PCDHGA8: variants seen among roughly 807,000 people sequenced by gnomAD.
The protein encoded by PCDHGA8 is protocadherin gamma subfamily A, 8.
PCDHGA8 carries 45 observed loss-of-function variants against 59.2 expected under a neutral mutation model. The ratio of observed to expected loss-of-function variants is 0.76; its 90% CI spans 0.60 to 0.98. The LOEUF is 0.98. Among genes scored for constraint, PCDHGA8 ranks in the 50% least tolerant of loss-of-function variants. PCDHGA8 has a pLI of 0.00. For missense variants in PCDHGA8, 1,257 were observed against 1,196.2 expected (o/e 1.05, Z -0.75); for synonymous variants, 531 against 519.0 (o/e 1.02, Z -0.32).
At chr5:141,426,621 C>G (rs984316174) in intron 1 of PCDHGA8, 1 of 392,280 alleles carries the variant, frequency 2.5e-6, no homozygotes, top group Non-Finnish European at 5.2e-6. Flanking sequence ...AGAGAATCCT[C>G]TAAATGTTTT....
chr5:141,486,894 C>T lies in PCDHGA8; in HGVS notation c.2425-7913C>T. 1 of 1,614,228 alleles carries T rather than the reference C, an allele frequency of 6.2e-7. No homozygotes were observed. Among genetic ancestry groups the T allele is most frequent in the Non-Finnish European group, 8.5e-7 (1 of 1,180,052 alleles). On this transcript the variant is annotated intron_variant, in intron 1 of 3. Transcript: ENST00000398604. The surrounding 1 kb of genome is among the most constrained non-coding windows in gnomAD (Gnocchi z 5.0). ...CTCCGTCCTCGGGCCCGGCCTGGTT[C>T]CTTATGTCCCCAAGCACTGCCTCCA...
intron 1 of PCDHGA8, among the ~76,000 whole-genome samples, chr5:141,453,479 A>G (rs1345415084): frequency 1.3e-5 from 2 of 152,082 alleles, no homozygotes; most frequent in Non-Finnish European, 2.9e-5. Context: ...AGTCAAAACT[A>G]TTAAAAAAAG....
chr5:141,480,241 A>C (rs895691864), intron 1 of PCDHGA8, among the ~76,000 whole-genome samples: 58 of 97,306 alleles, frequency 6.0e-4, no homozygotes, highest in African/African-American at 2.2e-3. Context: ...CTGTCTCTAC[A>C]AAAAAAAAAA....
At chr5:141,409,081 A>G (rs1220843821) in intron 1 of PCDHGA8, 3 of 1,613,820 alleles carry the variant, frequency 1.9e-6, no homozygotes, top group Non-Finnish European at 2.5e-6. Context: ...ATATGTTCTC[A>G]TTGGATGAGA....
rs2099883748 is a variant in PCDHGA8 at position 141,511,359 on chromosome 5, T to A, written c.*186T>A. On this transcript the variant is annotated 3_prime_UTR_variant, in exon 4 of 4. Transcript: ENST00000398604. ...CACCTACCCCTTCCCCCCCAGGGGGTTGAATATGCAAAAGCAGTTCCGCTG... is the reference window on the plus strand; with the variant it reads ...CACCTACCCCTTCCCCCCCAGGGGGATGAATATGCAAAAGCAGTTCCGCTG... 2 of 1,339,338 alleles carry A rather than the reference T, an allele frequency of 1.5e-6. No individual in the cohort carries two copies. Among genetic ancestry groups the A allele is most frequent in the Non-Finnish European group, 2.0e-6 (2 of 1,000,492 alleles). The allele number at this position is 1,339,338 out of a possible 1,614,324, so 83.0% of individuals were successfully genotyped here. A position where few individuals can be genotyped will look rare whatever the true frequency, so the allele number is the denominator to read the frequency against.
intron 1 of PCDHGA8, among the ~76,000 whole-genome samples, chr5:141,459,494 G>C (rs1454297107): frequency 2.0e-5 from 3 of 152,200 alleles, no homozygotes; most frequent in African/African-American, 7.2e-5. Context: ...CTGAATTAAA[G>C]TGATGTGAAC....
chr5:141,457,635 T>G (rs1242403589), intron 1 of PCDHGA8, among the ~76,000 whole-genome samples: 2 of 152,270 alleles, frequency 1.3e-5, no homozygotes, highest in African/African-American at 4.8e-5. Flanking sequence ...ATACTTGGCC[T>G]GATTATTTGC....
intron 1 of PCDHGA8, chr5:141,410,202 A>C (rs766392835): frequency 1.3e-5 from 21 of 1,614,018 alleles, no homozygotes; most frequent in Non-Finnish European, 1.6e-5. Context: ...TTCGCAGACA[A>C]CTTGCAAGAG....
intron 1 of PCDHGA8, among the ~76,000 whole-genome samples, chr5:141,425,919 G>A (rs11167745): frequency 2.0e-5 from 3 of 152,174 alleles, no homozygotes; most frequent in East Asian, 1.9e-4. Flanking sequence ...CAGTCACTAC[G>A]AAAACTCATA....
In PCDHGA8 at chr5:141,491,921, A is replaced by T; in HGVS notation, c.2425-2886A>T. ...CCGGGGGTGGTGGCGACTGTGGGCG[A>T]GGGGAGGTGGGACCGACCCCCACCC... On this transcript the variant is annotated intron_variant, in intron 1 of 3. Coordinates refer to ENST00000398604, the MANE Select transcript of PCDHGA8 (RefSeq NM_032088.2). The surrounding 1 kb of genome is among the most constrained non-coding windows in gnomAD (Gnocchi z 6.9). The T allele has an allele frequency of 1.5e-6, 2 of 1,353,738 alleles. No homozygotes were observed. Among genetic ancestry groups the T allele is most frequent in the Non-Finnish European group, 2.0e-6 (2 of 1,013,388 alleles). 83.9% of individuals were successfully genotyped at this position (1,353,738 alleles called of 1,614,324 possible). A position where few individuals can be genotyped will look rare whatever the true frequency, so the allele number is the denominator to read the frequency against.
chr5:141,449,718 G>A (rs2098653155), intron 1 of PCDHGA8, among the ~76,000 whole-genome samples: 2 of 150,760 alleles, frequency 1.3e-5, no homozygotes, highest in Admixed American at 6.6e-5. Flanking sequence ...ATTTTTATAT[G>A]ATATGATTTT....
At chr5:141,401,614 G>T (rs1242268897) in intron 1 of PCDHGA8, among the ~76,000 whole-genome samples, 1 of 152,188 alleles carries the variant, frequency 6.6e-6, no homozygotes, top group Non-Finnish European at 1.5e-5. Context: ...AAAGACACCG[G>T]ATTTGTCTTA....
At chr5:141,436,347 CT>C (rs1402378657) in intron 1 of PCDHGA8, among the ~76,000 whole-genome samples, 1 of 152,118 alleles carries the variant, frequency 6.6e-6, no homozygotes, top group African/African-American at 2.4e-5. Context: ...ATATCAGTGA[CT>C]TCAATCAACT....
At chr5:141,415,762 T>G (rs1561760360) in intron 1 of PCDHGA8, 16 of 1,399,878 alleles carry the variant, frequency 1.1e-5, no homozygotes, top group East Asian at 5.3e-5. Flanking sequence ...TTTTTTTTTT[T>G]TTTTTTTTTT....
intron 2 of PCDHGA8, among the ~76,000 whole-genome samples, chr5:141,502,296 G>A (rs758304596): frequency 7.9e-5 from 12 of 151,130 alleles, no homozygotes; most frequent in Non-Finnish European, 1.2e-4. Context: ...TGGTTGTCAC[G>A]TCTTTCCTCT....
At chr5:141,445,312 T>C (rs1419229431) in intron 1 of PCDHGA8, among the ~76,000 whole-genome samples, 2 of 152,194 alleles carry the variant, frequency 1.3e-5, no homozygotes, top group African/African-American at 4.8e-5. Context: ...AGTTTGTAGG[T>C]TGAGAGAACC....
intron 1 of PCDHGA8, chr5:141,408,371 A>C (rs2095092452): frequency 6.2e-7 from 1 of 1,613,848 alleles, no homozygotes; most frequent in Non-Finnish European, 8.5e-7. Flanking sequence ...TCTAGGGCTC[A>C]GTGTCCTGGA....
intron 1 of PCDHGA8, among the ~76,000 whole-genome samples, chr5:141,484,740 GA>G (rs1047805396): frequency 6.6e-6 from 1 of 150,760 alleles, no homozygotes; most frequent in Non-Finnish European, 1.5e-5. Context: ...GGTGTGTTAG[GA>G]AAAAAAATGT....
At chr5:141,405,232 C>T (rs779259588) in intron 1 of PCDHGA8, 8 of 1,613,990 alleles carry the variant, frequency 5.0e-6, no homozygotes, top group Middle Eastern at 1.6e-4. Flanking sequence ...TCTCCCTCAC[C>T]GCTGACTCAA....
Sources: gnomAD v4.1 joint callset for allele counts (sites outside exome capture counted in the v4.1 genomes callset) on GRCh38, gnomAD v4.1.1 for gene constraint, Gnocchi (gnomAD v3.1) non-coding constraint, MANE v1.5 for transcripts, NCBI Gene and HGNC (gene_info 2026-07-23, HGNC 2026-07-21) for gene names.